GLT1D1: variants seen among roughly 807,000 people sequenced by gnomAD.
GLT1D1 encodes glycosyltransferase 1 domain containing 1, also known as glycosyltransferase 1 domain-containing protein 1.
In GLT1D1, 21 loss-of-function variants were observed where a neutral mutation model predicts 28.7. The ratio of observed to expected loss-of-function variants is 0.73; its 90% CI spans 0.52 to 1.05. GLT1D1 has a LOEUF of 1.05. Ranked by LOEUF, GLT1D1 falls within the 50% of genes least tolerant of loss-of-function variation. The pLI is 0.00. For missense variants in GLT1D1, 343 were observed against 330.6 expected (o/e 1.04, Z -0.29); for synonymous variants, 147 against 124.8 (o/e 1.18, Z -1.19).
At chr12:128,944,041 G>A (rs1266617613) in intron 4 of GLT1D1, among the ~76,000 whole-genome samples, 1 of 152,194 alleles carries the variant, frequency 6.6e-6, no homozygotes, top group Non-Finnish European at 1.5e-5. Context: ...CATCACTGAT[G>A]TTTTTGAGGA....
chr12:128,908,672 G>T (rs534739537), intron 4 of GLT1D1, among the ~76,000 whole-genome samples: 10 of 152,022 alleles, frequency 6.6e-5, no homozygotes, highest in African/African-American at 2.4e-4. Flanking sequence ...ACGACAGGCC[G>T]GGCGCGGTGG....
intron 4 of GLT1D1, among the ~76,000 whole-genome samples, chr12:128,901,363 G>A (rs1005518923): frequency 7.3e-5 from 11 of 151,656 alleles, no homozygotes; most frequent in African/African-American, 2.7e-4. Context: ...CAAGTGATCT[G>A]CCCTCCTCAG....
chr12:128,938,788 C>T (rs1217713659), intron 4 of GLT1D1, among the ~76,000 whole-genome samples: 1 of 152,164 alleles, frequency 6.6e-6, no homozygotes, highest in Non-Finnish European at 1.5e-5. Flanking sequence ...GACCCTCTGC[C>T]TGTATCTTTG....
intron 2 of GLT1D1, among the ~76,000 whole-genome samples, chr12:128,881,727 G>T (rs775022151): frequency 2.0e-4 from 29 of 148,386 alleles, no homozygotes; most frequent in Non-Finnish European, 4.0e-4. Flanking sequence ...TAAATGCTTT[G>T]GATGCAGAGA....
intron 1 of GLT1D1, among the ~76,000 whole-genome samples, chr12:128,863,010 CCCCCTCTGAGGG>C (rs1956418239): frequency 6.6e-6 from 1 of 152,186 alleles, no homozygotes; most frequent in Non-Finnish European, 1.5e-5. Flanking sequence ...GCTTCCCTTT[CCCCCTCTGAGGG>C]TTCACTGAAA....
At chr12:128,899,368 G>C in intron 4 of GLT1D1, 81 bp downstream of exon 4, 4 of 1,156,914 alleles carry the variant, frequency 3.5e-6, no homozygotes, top group Middle Eastern at 1.9e-4. Flanking sequence ...GCCTTACTGA[G>C]CTGACAGTGT....
chr12:128,896,989 T>G (rs1307860641), intron 3 of GLT1D1, among the ~76,000 whole-genome samples: 2 of 152,204 alleles, frequency 1.3e-5, no homozygotes, highest in Non-Finnish European at 2.9e-5. Context: ...GTTTCTCAAA[T>G]TTCTCTTCAG....
At chr12:128,899,713 C>T (rs1248517753) in intron 4 of GLT1D1, among the ~76,000 whole-genome samples, 1 of 151,930 alleles carries the variant, frequency 6.6e-6, no homozygotes, top group South Asian at 2.1e-4. Context: ...CCATACCCAG[C>T]TAATTTTTTT....
At chr12:128,890,179 T>C (rs207473520) in intron 3 of GLT1D1, among the ~76,000 whole-genome samples, 1 of 152,154 alleles carries the variant, frequency 6.6e-6, no homozygotes, top group Non-Finnish European at 1.5e-5. Flanking sequence ...AACTCTGAAA[T>C]GCCCCATCTG....
At chr12:128,946,282 C>T (rs143256194) in intron 5 of GLT1D1, among the ~76,000 whole-genome samples, 8 of 152,318 alleles carry the variant, frequency 5.3e-5, no homozygotes, top group South Asian at 2.1e-4. Flanking sequence ...TAGCTGTCAG[C>T]GCTGTGTGCT....
chr12:128,961,365 T>C (rs1262703224), intron 7 of GLT1D1, among the ~76,000 whole-genome samples: 1 of 152,142 alleles, frequency 6.6e-6, no homozygotes, highest in South Asian at 2.1e-4. Flanking sequence ...TGCACCCCCA[T>C]GTTTATCAAA....
At chr12:128,959,859 G>A (rs112879319) in intron 7 of GLT1D1, among the ~76,000 whole-genome samples, 4,691 of 151,656 alleles carry the variant, frequency 0.031, 110 homozygotes, top group African/African-American at 0.066. Context: ...AAAAGGCAAC[G>A]TCTATTTACT....
At chr12:128,899,713 C>A (rs1248517753) in intron 4 of GLT1D1, among the ~76,000 whole-genome samples, 1 of 151,930 alleles carries the variant, frequency 6.6e-6, no homozygotes, top group Non-Finnish European at 1.5e-5. Flanking sequence ...CCATACCCAG[C>A]TAATTTTTTT....
chr12:128,901,798 A>G (rs1300991274), intron 4 of GLT1D1, among the ~76,000 whole-genome samples: 1 of 150,822 alleles, frequency 6.6e-6, no homozygotes, highest in African/African-American at 2.5e-5. Flanking sequence ...CCCAGGCTAG[A>G]TTGCAGTGGT....
intron 3 of GLT1D1, among the ~76,000 whole-genome samples, chr12:128,889,628 T>C (rs1478618879): frequency 6.6e-6 from 1 of 152,172 alleles, no homozygotes; most frequent in Non-Finnish European, 1.5e-5. Flanking sequence ...TCCATGTCAA[T>C]ACGGTGAAAG....
At chr12:128,958,661 A>G (rs1472687042) in intron 7 of GLT1D1, among the ~76,000 whole-genome samples, 2 of 146,840 alleles carry the variant, frequency 1.4e-5, no homozygotes, top group African/African-American at 2.5e-5. Flanking sequence ...AAGGCAGGAT[A>G]ATCACTTGAA....
At chr12:128,940,726 G>A (rs550548282) in intron 4 of GLT1D1, among the ~76,000 whole-genome samples, 1 of 152,310 alleles carries the variant, frequency 6.6e-6, no homozygotes, top group East Asian at 1.9e-4. Flanking sequence ...ATGCAAAGCA[G>A]GAGTCAAGTC....
intron 1 of GLT1D1, among the ~76,000 whole-genome samples, chr12:128,872,621 C>A (rs928529771): frequency 6.6e-6 from 1 of 152,110 alleles, no homozygotes; most frequent in African/African-American, 2.4e-5. Flanking sequence ...TTAGTTGATT[C>A]CCTAAGCAGG....
At chr12:128,959,819 G>A (rs1317578598) in intron 7 of GLT1D1, among the ~76,000 whole-genome samples, 2 of 151,914 alleles carry the variant, frequency 1.3e-5, no homozygotes, top group African/African-American at 2.4e-5. Flanking sequence ...CTCTGGCAAA[G>A]TGTTCTGGGA....
Sources: allele counts gnomAD v4.1 joint callset (sites outside exome capture counted in the v4.1 genomes callset), GRCh38; gene constraint gnomAD v4.1.1; transcripts MANE v1.5; gene names NCBI Gene and HGNC (gene_info 2026-07-23, HGNC 2026-07-21).